QKI: variants seen among roughly 807,000 people sequenced by gnomAD.
QKI encodes the protein QKI, KH domain containing RNA binding, also known as KH domain-containing RNA-binding protein QKI.
A neutral mutation model predicts 39.0 loss-of-function variants in QKI; 10 were observed. The observed-to-expected ratio is 0.26, with a 90% CI of 0.16 to 0.43. The LOEUF is 0.43. QKI is among the 20% of genes least tolerant of loss of function. The pLI, the probability that QKI is intolerant of heterozygous loss-of-function variation, is 1.00. For synonymous variants in QKI, 204 were observed against 155.4 expected (o/e 1.31, Z -2.33); for missense variants, 218 against 428.0 (o/e 0.51, Z 4.33).
Position 163,504,535 on chromosome 6 carries a change from TAGC to T in QKI, c.402+25642_402+25644del, listed in dbSNP as rs1206994061. Among the ~76,000 whole-genome samples, 6 of 152,214 alleles carry T rather than the reference TAGC, an allele frequency of 3.9e-5. No individual in the cohort carries two copies. In the East Asian group the frequency reaches 1.2e-3, roughly 29 times the overall value. On this transcript the variant is annotated intron_variant, in intron 3 of 7. Transcript: ENST00000361752. ...TGTTTGTGTCATCTCTGGTTTCTTTTAGCAGTGTTTTGTTTTGTAGTTCTCCTT... is the reference window on the plus strand; with the variant it reads ...TGTTTGTGTCATCTCTGGTTTCTTTTAGTGTTTTGTTTTGTAGTTCTCCTT...
chr6:163,427,592 C>A (rs1788511142), intron 1 of QKI, among the ~76,000 whole-genome samples: 1 of 151,778 alleles, frequency 6.6e-6, no homozygotes. Context: ...GTACTTACTG[C>A]TTCTATTAGC....
At chr6:163,528,385 A>G (rs1313447483) in intron 3 of QKI, among the ~76,000 whole-genome samples, 2 of 152,022 alleles carry the variant, frequency 1.3e-5, no homozygotes, top group Non-Finnish European at 2.9e-5. Context: ...CATGTAGGTG[A>G]TATGTTGTGC....
rs1317942777 is a variant in QKI, at chr6:163,574,278, A to G, written c.*3568A>G. 6.6e-6 allele frequency: 1 copy of G among 152,244 alleles called. No individual in the cohort carries two copies. Among genetic ancestry groups the G allele is most frequent in the Admixed American group, 6.5e-5 (1 of 15,282 alleles). 9.4% of individuals were successfully genotyped at this position (152,244 alleles called of 1,614,324 possible). On this transcript the variant is annotated 3_prime_UTR_variant, in exon 8 of 8. Transcript: ENST00000361752. ...ATAAGTAATTTTATGGTCACATTGT[A>G]AAGCAGAGAAACTGTTGATATTTTA...
chr6:163,435,825 T>C (rs1407640015), intron 1 of QKI, among the ~76,000 whole-genome samples: 1 of 152,218 alleles, frequency 6.6e-6, no homozygotes, highest in Non-Finnish European at 1.5e-5. Context: ...ATGTTTGTCA[T>C]ATAAATGATC....
chr6:163,469,018 T>C (rs757302367), intron 2 of QKI, among the ~76,000 whole-genome samples: 8 of 152,188 alleles, frequency 5.3e-5, no homozygotes, highest in Non-Finnish European at 1.2e-4. Context: ...CTTGAGCTGT[T>C]TGTGGCTTCT....
intron 1 of QKI, among the ~76,000 whole-genome samples, chr6:163,450,532 G>A (rs768967236): frequency 2.0e-5 from 3 of 152,050 alleles, no homozygotes; most frequent in Admixed American, 6.5e-5. Context: ...TCCATAGTTG[G>A]GTGAATTAAG....
At chr6:163,497,745 TTTTGATTTGCC>T (rs1319287679) in intron 3 of QKI, among the ~76,000 whole-genome samples, 1 of 151,720 alleles carries the variant, frequency 6.6e-6, no homozygotes, top group Non-Finnish European at 1.5e-5. Flanking sequence ...TGGCATTAAG[TTTTGATTTGCC>T]TAGGATAGTT....
intron 7 of QKI, chr6:163,567,563 C>G: frequency 1.0e-6 from 1 of 983,272 alleles, no homozygotes; most frequent in Non-Finnish European, 1.2e-6. Context: ...AATAAGTCTT[C>G]ATTTTTCTCC....
chr6:163,419,927 A>G (rs950875819), intron 1 of QKI, among the ~76,000 whole-genome samples: 2 of 152,300 alleles, frequency 1.3e-5, no homozygotes, highest in Non-Finnish European at 1.5e-5. Flanking sequence ...ATTTCTGTTA[A>G]TGCTTCACTA....
At chr6:163,425,521 A>G (rs1225690418) in intron 1 of QKI, among the ~76,000 whole-genome samples, 3 of 152,230 alleles carry the variant, frequency 2.0e-5, no homozygotes, top group Admixed American at 2.0e-4. Flanking sequence ...TTTAAAGTAG[A>G]CATTGGATGA....
Position 163,415,046 on chromosome 6 carries a change from G to T in QKI, c.-148G>T. ...GAGCGCGCGGTGCCGGCCGCCCCGG[G>T]GCTCGGCGCGGGAGCCAGAGCGGGA... On this transcript the variant is annotated 5_prime_UTR_variant, in exon 1 of 8. Coordinates refer to ENST00000361752, the MANE Select transcript of QKI (RefSeq NM_006775.3). 1.2e-6 allele frequency: 1 copy of T among 831,588 alleles called. No homozygotes were observed. The highest frequency in any genetic ancestry group is 1.4e-6 in the Non-Finnish European group (1 of 692,900). 51.5% of individuals were successfully genotyped at this position (831,588 alleles called of 1,614,324 possible).
chr6:163,560,006 T>C (rs1212497798), intron 4 of QKI, among the ~76,000 whole-genome samples: 1 of 152,198 alleles, frequency 6.6e-6, no homozygotes, highest in African/African-American at 2.4e-5. Context: ...CTTTGATAGA[T>C]GGACCCTCAT....
intron 7 of QKI, chr6:163,570,177 A>C (rs1044494033): frequency 6.1e-6 from 6 of 984,750 alleles, no homozygotes; most frequent in Non-Finnish European, 7.2e-6. Context: ...TGTTGAACCA[A>C]ATGGTTCATA....
chr6:163,482,043 G>C (rs892419396), intron 3 of QKI, among the ~76,000 whole-genome samples: 38 of 152,080 alleles, frequency 2.5e-4, no homozygotes, highest in African/African-American at 9.2e-4. Flanking sequence ...TAATTAGCCA[G>C]GTGTGGTGGC....
At chr6:163,436,944 A>C (rs201171820) in intron 1 of QKI, among the ~76,000 whole-genome samples, 32 of 152,224 alleles carry the variant, frequency 2.1e-4, no homozygotes, top group East Asian at 1.3e-3. Context: ...TCATAGGAGA[A>C]GAGCATGTAA....
At chr6:163,530,076 A>G (rs1583170019) in intron 3 of QKI, among the ~76,000 whole-genome samples, 1 of 152,258 alleles carries the variant, frequency 6.6e-6, no homozygotes, top group Non-Finnish European at 1.5e-5. Flanking sequence ...AAGATTTAGT[A>G]GCACATATAT....
In QKI at chr6:163,518,390, G is replaced by T. The variant is rs570023122; in HGVS notation, c.403-16592G>T. Among the ~76,000 whole-genome samples, 239 of 152,180 alleles carry T rather than the reference G, an allele frequency of 1.6e-3. 2 individuals are homozygous for T. Among genetic ancestry groups the T allele is most frequent in the Non-Finnish European group, 2.4e-3 (164 of 67,982 alleles). ...GACAGATACAAATTTTAACTAGAAG[G>T]GGCCGAGATAAGCAAAATTGGAAAT... On this transcript the variant is annotated intron_variant, in intron 3 of 7. Transcript: ENST00000361752.
intron 6 of QKI, chr6:163,564,092 C>G (rs1338608199): frequency 9.4e-7 from 1 of 1,061,846 alleles, no homozygotes; most frequent in Non-Finnish European, 1.1e-6. Context: ...TTTTATCTCA[C>G]AGGTTTGTGT....
At chr6:163,482,559 GTTTT>G (rs973348646) in intron 3 of QKI, among the ~76,000 whole-genome samples, 1 of 152,098 alleles carries the variant, frequency 6.6e-6, no homozygotes, top group Admixed American at 6.6e-5. Context: ...CTGTAAATGT[GTTTT>G]TTTGCAAGTC....
Sources: allele counts gnomAD v4.1 joint callset (sites outside exome capture counted in the v4.1 genomes callset), GRCh38; gene constraint gnomAD v4.1.1; transcripts MANE v1.5; gene names NCBI Gene and HGNC (gene_info 2026-07-23, HGNC 2026-07-21).